Variants in DDX18 observed in about 807,000 individuals in gnomAD.
The protein encoded by DDX18 is ATP-dependent RNA helicase DDX18.
Under a neutral mutation model 73.5 loss-of-function variants are expected in DDX18, and 23 were observed. The ratio of observed to expected loss-of-function variants is 0.31; its 90% CI spans 0.23 to 0.44. DDX18 has a LOEUF of 0.44. DDX18 is among the 20% of genes least tolerant of loss of function. The pLI, the probability that DDX18 is intolerant of heterozygous loss-of-function variation, is 1.00. For synonymous variants in DDX18, 268 were observed against 282.7 expected, an observed-to-expected ratio of 0.95 and a Z score of 0.52; for missense variants, 753 against 792.9, an observed-to-expected ratio of 0.95 and a Z score of 0.60.
chr2:117,822,358 C>T (rs1399305413), intron 7 of DDX18, 97 bp downstream of exon 7: 3 of 913,282 alleles, frequency 3.3e-6, no homozygotes, highest in Non-Finnish European at 5.1e-6. Context: ...CAGAACTTTA[C>T]CATAGCCAAG....
chr2:117,814,890 A>C, intron 1 of DDX18, 28 bp downstream of exon 1: 4 of 1,613,170 alleles, frequency 2.5e-6, no homozygotes, highest in Non-Finnish European at 3.4e-6. Flanking sequence ...GCGGTGGCTC[A>C]GAAGACCCAC....
chr2:117,819,531 C>T, intron 2 of DDX18, 118 bp from the exon 3 acceptor site: 1 of 966,656 alleles, frequency 1.0e-6, no homozygotes, highest in Non-Finnish European at 1.5e-6. Context: ...ATTAATACAG[C>T]ATATACTTAG....
At chr2:117,821,828 C>T (rs1163292044) in intron 5 of DDX18, 34 bp from the exon 6 acceptor site, 3 of 1,613,314 alleles carry the variant, frequency 1.9e-6, no homozygotes, top group Non-Finnish European at 2.5e-6. Context: ...GTGGTGACAG[C>T]CACATTTAGA....
Position 117,830,911 on chromosome 2 carries a change from C to T in DDX18, c.*187C>T. On this transcript the variant is annotated 3_prime_UTR_variant, in exon 14 of 14. Coordinates refer to ENST00000263239, the MANE Select transcript of DDX18 (RefSeq NM_006773.4). The stretch of plus-strand genomic sequence containing the variant: ...TCTCTTTTATTTCTGGGATATAAAA[C>T]AGGCTTTAAGTTTCTTGGTTGCCCA... 1 of 654,926 alleles carries T rather than the reference C, an allele frequency of 1.5e-6. No homozygotes were observed. The highest frequency in any genetic ancestry group is 3.2e-5 in the East Asian group (1 of 31,556). 40.6% of individuals were successfully genotyped at this position (654,926 alleles called of 1,614,324 possible). A position where few individuals can be genotyped will look rare whatever the true frequency, so the allele number is the denominator to read the frequency against.
intron 7 of DDX18, 138 bp from the exon 8 acceptor site, chr2:117,824,431 C>CT: frequency 3.6e-6 from 3 of 834,174 alleles, no homozygotes; most frequent in Non-Finnish European, 3.3e-6. Context: ...CCCTTTTTAC[C>CT]TTTTGTAATA....
chr2:117,820,227 G>A (rs559094215), intron 3 of DDX18, among the ~76,000 whole-genome samples: 1 of 152,296 alleles, frequency 6.6e-6, no homozygotes, highest in East Asian at 1.9e-4. Flanking sequence ...TATTTGGTTT[G>A]GGTTGGTTGG....
intron 9 of DDX18, 90 bp from the exon 10 acceptor site, chr2:117,825,357 G>A (rs368447379): frequency 4.7e-6 from 3 of 632,276 alleles, no homozygotes; most frequent in Admixed American, 3.5e-5. Context: ...GGATGAGCTC[G>A]AAATAGGGTA....
chr2:117,830,472 A>C, intron 13 of DDX18, 110 bp from the exon 14 acceptor site: 1 of 1,285,980 alleles, frequency 7.8e-7, no homozygotes, highest in Non-Finnish European at 1.1e-6. Context: ...CATTGTTGAG[A>C]ATGGGGTTGT....
intron 9 of DDX18, 79 bp downstream of exon 9, chr2:117,825,180 C>G: frequency 6.7e-7 from 1 of 1,502,980 alleles, no homozygotes; most frequent in Non-Finnish European, 9.0e-7. Flanking sequence ...AGGTATTGCC[C>G]TCTCCTGGAA....
chr2:117,815,459 A>G (rs1679742265), intron 1 of DDX18, among the ~76,000 whole-genome samples: 1 of 152,048 alleles, frequency 6.6e-6, no homozygotes. Flanking sequence ...TACCTACCTC[A>G]TTTGCAGTCC....
chr2:117,823,453 A>G (rs1679877457), intron 7 of DDX18, among the ~76,000 whole-genome samples: 1 of 152,146 alleles, frequency 6.6e-6, no homozygotes, highest in South Asian at 2.1e-4. Context: ...ATACATATAT[A>G]CACACACACA....
At chr2:117,819,466 A>G (rs1201119727) in intron 2 of DDX18, among the ~76,000 whole-genome samples, 183 bp from the exon 3 acceptor site, 1 of 152,156 alleles carries the variant, frequency 6.6e-6, no homozygotes, top group East Asian at 1.9e-4. Context: ...GTCTGTCTGT[A>G]CCCTGGGTTT....
In DDX18 at chr2:117,824,588, C is replaced by T. The variant is rs147641419; in HGVS notation, c.1086C>T (p.Leu362=). 3.0e-5 allele frequency: 44 copies of T among 1,475,020 alleles called. No homozygotes were observed. The African/African-American group carries it at 5.2e-4, about 17-fold the overall frequency. The allele number at this position is 1,475,020 out of a possible 1,614,324, so 91.4% of individuals were successfully genotyped here. A position where few individuals can be genotyped will look rare whatever the true frequency, so the allele number is the denominator to read the frequency against. ...TTTCAGCACGTAGACAGACTATGCT[C>T]TTTTCTGCCACCCAAACTCGAAAAG... ...KLLPTRRQTM[L]FSATQTRKVE... is the part of the protein sequence containing the mutation. The change falls in exon 8 of 14, where the codon CTC becomes CTT. Residue 362 remains leucine, a synonymous_variant. Transcript: ENST00000263239.
chr2:117,830,268 G>A (rs1679999228), intron 13 of DDX18, among the ~76,000 whole-genome samples: 1 of 152,164 alleles, frequency 6.6e-6, no homozygotes, highest in Admixed American at 6.5e-5. Context: ...TTTTTTTAAT[G>A]TGCTCCTACC....
In DDX18 at chr2:117,825,012, A is replaced by C. The variant is rs1394263300; in HGVS notation, c.1279A>C (p.Lys427Gln). 6 of 1,613,834 alleles carry C rather than the reference A, an allele frequency of 3.7e-6. No homozygotes were observed. Among genetic ancestry groups the C allele is most frequent in the Non-Finnish European group, 5.1e-6 (6 of 1,179,890 alleles). ...FTFLKKNRKK[K>Q]LMVFFSSCMS... ...ATTCCTTAAGAAGAACCGAAAGAAG[A>C]AGCTTATGGTCTTCTTTTCATCTTG... Residue 427 changes from lysine to glutamine, a missense_variant, in exon 9 of 14, where the codon AAG (lysine) becomes CAG (glutamine). Physicochemically the swap from Lys to Gln is moderately conservative, Grantham distance 53. Coordinates refer to ENST00000263239, the MANE Select transcript of DDX18 (RefSeq NM_006773.4).
intron 11 of DDX18, chr2:117,828,078 T>G (rs533525230): frequency 6.6e-6 from 1 of 152,346 alleles, no homozygotes; most frequent in Non-Finnish European, 1.5e-5. Context: ...TGATGGCCAG[T>G]GATGATGAGC....
chr2:117,818,887 G>A (rs1230000820), intron 2 of DDX18, among the ~76,000 whole-genome samples: 1 of 152,148 alleles, frequency 6.6e-6, no homozygotes, highest in East Asian at 1.9e-4. Flanking sequence ...ACCAGCTGAA[G>A]ATATCTGTGG....
At chr2:117,815,535 T>C (rs560176567) in intron 1 of DDX18, among the ~76,000 whole-genome samples, 4 of 152,226 alleles carry the variant, frequency 2.6e-5, no homozygotes, top group African/African-American at 4.8e-5. Context: ...CAGGTTAAGA[T>C]ACAAACTCCC....
chr2:117,821,656 T>C lies in DDX18; in HGVS notation c.657T>C (p.Leu219=). 6.2e-7 allele frequency: 1 copy of C among 1,613,966 alleles called. No homozygotes were observed. The highest frequency in any genetic ancestry group is 8.5e-7 in the Non-Finnish European group (1 of 1,179,878). ...SIRPLLEGRD[L]LAAAKTGSGK... is the part of the protein sequence containing the mutation. Reference sequence around the variant, plus strand: ...TTCCCTTTTTAATATTTAGGGATCTTCTAGCAGCTGCAAAAACAGGCAGTG... The same window carrying C: ...TTCCCTTTTTAATATTTAGGGATCTCCTAGCAGCTGCAAAAACAGGCAGTG... The change falls in exon 5 of 14, where the codon CTT becomes CTC. Residue 219 remains leucine, a synonymous_variant. Transcript: ENST00000263239.
Sources: allele counts gnomAD v4.1 joint callset (sites outside exome capture counted in the v4.1 genomes callset), GRCh38; gene constraint gnomAD v4.1.1; transcripts MANE v1.5; gene names NCBI Gene and HGNC (gene_info 2026-07-23, HGNC 2026-07-21).